PARD3B: variants seen among roughly 807,000 people sequenced by gnomAD.
The protein encoded by PARD3B is partitioning defective 3 homolog B.
Under a neutral mutation model 130.2 loss-of-function variants are expected in PARD3B, and 103 were observed. The ratio of observed to expected loss-of-function variants is 0.79; its 90% CI spans 0.67 to 0.93. PARD3B has a LOEUF of 0.93. Among genes scored for constraint, PARD3B ranks in the 40% least tolerant of loss-of-function variants. PARD3B has a pLI of 0.00. For synonymous variants in PARD3B, 583 were observed against 553.2 expected (o/e 1.05, Z -0.76); for missense variants, 1,609 against 1,499.2 (o/e 1.07, Z -1.21).
Position 205,202,143 on chromosome 2 carries a change from A to G in PARD3B, c.2140+8823A>G, listed in dbSNP as rs576711340. The stretch of plus-strand genomic sequence containing the variant: ...TAACCAAAATTTAACATGTAATTAT[A>G]TTTTAGATGATTGCTACATTTAAAG... On this transcript the variant is annotated intron_variant, in intron 15 of 22. Transcript: ENST00000406610. 2.0e-5 allele frequency among the ~76,000 whole-genome samples: 3 copies of G among 152,292 alleles called. No homozygotes were observed. The East Asian group carries it at 5.8e-4, about 29-fold the overall frequency.
intron 10 of PARD3B, among the ~76,000 whole-genome samples, chr2:205,140,299 A>C (rs2032841915): frequency 6.6e-6 from 1 of 152,198 alleles, no homozygotes; most frequent in South Asian, 2.1e-4. Context: ...GGAGATGTGC[A>C]TTAGATTATC....
At chr2:205,033,917 C>T (rs1575596873) in intron 3 of PARD3B, among the ~76,000 whole-genome samples, 1 of 152,150 alleles carries the variant, frequency 6.6e-6, no homozygotes, top group Non-Finnish European at 1.5e-5. Flanking sequence ...CTCTGTGCAT[C>T]TACTGGGATT....
intron 2 of PARD3B, among the ~76,000 whole-genome samples, chr2:204,812,364 G>T (rs569410749): frequency 6.6e-6 from 1 of 152,274 alleles, no homozygotes; most frequent in South Asian, 2.1e-4. Context: ...ACAGAGTGAG[G>T]CAGGTTTTAG....
chr2:205,503,397 T>G (rs1259779756), intron 21 of PARD3B, among the ~76,000 whole-genome samples: 7 of 152,126 alleles, frequency 4.6e-5, no homozygotes, highest in African/African-American at 1.7e-4. Flanking sequence ...GTTCTTTTTT[T>G]TTTTCATACT....
At chr2:204,865,501 G>A (rs992982430) in intron 2 of PARD3B, among the ~76,000 whole-genome samples, 16 of 152,170 alleles carry the variant, frequency 1.1e-4, no homozygotes, top group African/African-American at 3.4e-4. Context: ...GAATGGAATT[G>A]GAGACCATTA....
rs894476034 is a variant in PARD3B at position 204,724,568 on chromosome 2, T to C, written c.222+38286T>C. Among the ~76,000 whole-genome samples the C allele has an allele frequency of 1.1e-4, 17 of 152,208 alleles. 1 individual carries two copies. The stretch of plus-strand genomic sequence containing the variant: ...GTCATCAGTGGGTAGTTAAAAATTC[T>C]CTTCCAGGAATTCCCTCTGATTATC... On this transcript the variant is annotated intron_variant, in intron 2 of 22. Coordinates refer to ENST00000406610, the MANE Select transcript of PARD3B (RefSeq NM_001302769.2).
At chr2:204,800,507 A>G (rs770876566) in intron 2 of PARD3B, among the ~76,000 whole-genome samples, 6 of 152,196 alleles carry the variant, frequency 3.9e-5, no homozygotes, top group Non-Finnish European at 7.3e-5. Context: ...CTAGAAAAAT[A>G]TATCAGGGTT....
intron 21 of PARD3B, among the ~76,000 whole-genome samples, chr2:205,513,049 A>G (rs2050650249): frequency 4.0e-5 from 6 of 149,558 alleles, no homozygotes; most frequent in African/African-American, 1.5e-4. Flanking sequence ...CTTTGCAGTA[A>G]TTTCCCAGAT....
Position 204,663,156 on chromosome 2 carries a change from G to T in PARD3B, c.121-23025G>T, listed in dbSNP as rs368492509. 1.4e-4 allele frequency among the ~76,000 whole-genome samples: 21 copies of T among 152,260 alleles called. No individual in the cohort carries two copies. In the East Asian group the frequency reaches 3.3e-3, roughly 24 times the overall value. On this transcript the variant is annotated intron_variant, in intron 1 of 22. Coordinates refer to ENST00000406610, the MANE Select transcript of PARD3B (RefSeq NM_001302769.2). ...GAGCTTAATCCAAGCTGTAACCATG[G>T]TTACTGTTTTCCCCAGGCTGGCCCT...
At chr2:204,987,869 C>A (rs1424939901) in intron 3 of PARD3B, among the ~76,000 whole-genome samples, 2 of 151,984 alleles carry the variant, frequency 1.3e-5, no homozygotes, top group Non-Finnish European at 2.9e-5. Context: ...GGGGGGAATT[C>A]ATGGGTTTGT....
chr2:205,586,837 G>A (rs2054213460), intron 22 of PARD3B, among the ~76,000 whole-genome samples: 1 of 152,096 alleles, frequency 6.6e-6, no homozygotes, highest in African/African-American at 2.4e-5. Flanking sequence ...CAAAATTTCA[G>A]TCTGGGGCCA....
intron 2 of PARD3B, among the ~76,000 whole-genome samples, chr2:204,852,628 C>G (rs919285552): frequency 2.0e-5 from 3 of 150,466 alleles, no homozygotes; most frequent in African/African-American, 7.5e-5. Context: ...GAGGCTGAGG[C>G]GTTGTGCCTT....
At chr2:204,996,355 G>A (rs1213774642) in intron 3 of PARD3B, among the ~76,000 whole-genome samples, 1 of 152,080 alleles carries the variant, frequency 6.6e-6, no homozygotes, top group Non-Finnish European at 1.5e-5. Flanking sequence ...AGGTGTCAGT[G>A]TGCCCCTGCT....
chr2:205,082,070 C>T (rs894676720), intron 4 of PARD3B, among the ~76,000 whole-genome samples: 1 of 152,014 alleles, frequency 6.6e-6, no homozygotes, highest in African/African-American at 2.4e-5. Flanking sequence ...CTTTAAGTTC[C>T]ATCTTTCTTA....
intron 19 of PARD3B, among the ~76,000 whole-genome samples, chr2:205,434,708 C>A (rs1486783166): frequency 6.6e-6 from 1 of 151,810 alleles, no homozygotes; most frequent in Non-Finnish European, 1.5e-5. Context: ...TTTAAAGAGA[C>A]CAAATAAAAG....
intron 2 of PARD3B, among the ~76,000 whole-genome samples, chr2:204,823,806 G>A (rs1020646070): frequency 1.3e-5 from 2 of 151,958 alleles, no homozygotes; most frequent in Non-Finnish European, 2.9e-5. Context: ...CAGGCATGGT[G>A]GCACATGCCT....
chr2:204,551,590 A>G (rs567976722), intron 1 of PARD3B, among the ~76,000 whole-genome samples: 12 of 151,712 alleles, frequency 7.9e-5, no homozygotes, highest in African/African-American at 2.9e-4. Context: ...ATCCCCACAC[A>G]CCCTCTGTGT....
chr2:204,683,449 A>G (rs1227998307), intron 1 of PARD3B, among the ~76,000 whole-genome samples: 1 of 152,160 alleles, frequency 6.6e-6, no homozygotes, highest in Non-Finnish European at 1.5e-5. Context: ...GTTGACTGCA[A>G]TGTAATGGTT....
chr2:205,067,638 A>T (rs1360912255), intron 4 of PARD3B, among the ~76,000 whole-genome samples: 1 of 152,084 alleles, frequency 6.6e-6, no homozygotes, highest in African/African-American at 2.4e-5. Context: ...TTTACCTATA[A>T]ATTTTTTAAG....
Sources: gnomAD v4.1 joint callset for allele counts (sites outside exome capture counted in the v4.1 genomes callset) on GRCh38, gnomAD v4.1.1 for gene constraint, MANE v1.5 for transcripts, NCBI Gene and HGNC (gene_info 2026-07-23, HGNC 2026-07-21) for gene names.